The following SH3BGRL2 variants were observed in gnomAD, a reference collection of about 807,000 sequenced individuals.
SH3BGRL2 encodes SH3 domain-binding glutamic acid-rich-like protein 2.
SH3BGRL2 carries 21 observed loss-of-function variants against 14.8 expected under a neutral mutation model. The ratio of observed to expected loss-of-function variants is 1.42; its 90% CI spans 1.01 to 2.05. SH3BGRL2 has a LOEUF of 2.05. Among genes scored for constraint, SH3BGRL2 ranks in the 30% most tolerant of loss-of-function variants. The probability of loss-of-function intolerance (pLI) is 0.00; values close to 1 mark genes in which losing one functional copy is unlikely to be tolerated. For synonymous variants in SH3BGRL2, 50 were observed against 47.8 expected, an observed-to-expected ratio of 1.05 and a Z score of -0.19; for missense variants, 147 against 130.8, an observed-to-expected ratio of 1.12 and a Z score of -0.61.
intron 1 of SH3BGRL2, among the ~76,000 whole-genome samples, chr6:79,642,244 A>G (rs548009176): frequency 1.1e-4 from 16 of 152,346 alleles, no homozygotes; most frequent in South Asian, 2.1e-4. Context: ...ATATAGTATT[A>G]CAGCTATTTA....
chr6:79,540,805 TTAA>T, the SH3BGRL2 span, among the ~76,000 whole-genome samples: 3 of 152,154 alleles, frequency 2.0e-5, no homozygotes, highest in African/African-American at 7.2e-5. Flanking sequence ...TATACTTCCA[TTAA>T]TAAGTGATTC....
the SH3BGRL2 span, among the ~76,000 whole-genome samples, chr6:79,605,042 C>T: frequency 9.9e-5 from 15 of 152,138 alleles, no homozygotes; most frequent in African/African-American, 3.6e-4. Flanking sequence ...ATTCATCTCC[C>T]CTAGAATTTG....
At chr6:79,583,603 G>A in the SH3BGRL2 span, among the ~76,000 whole-genome samples, 4 of 152,244 alleles carry the variant, frequency 2.6e-5, no homozygotes, top group East Asian at 3.9e-4. Flanking sequence ...GACACAGAGC[G>A]GGGAACATCA....
At chr6:79,599,841 C>T in the SH3BGRL2 span, among the ~76,000 whole-genome samples, 3 of 152,168 alleles carry the variant, frequency 2.0e-5, no homozygotes, top group Non-Finnish European at 4.4e-5. Context: ...ATACCCTCTA[C>T]ACATCAGCTT....
chr6:79,675,585 T>G (rs1219330804), intron 2 of SH3BGRL2, among the ~76,000 whole-genome samples: 1 of 152,132 alleles, frequency 6.6e-6, no homozygotes. Context: ...GAGTGCCTAT[T>G]AATTTGGATA....
the SH3BGRL2 span, among the ~76,000 whole-genome samples, chr6:79,590,438 T>TG: frequency 0.032 from 3,207 of 98,750 alleles, 146 homozygotes; most frequent in Middle Eastern, 0.073. Context: ...TATATATATA[T>TG]ATATATATAT....
chr6:79,646,373 T>C (rs190900871), intron 1 of SH3BGRL2, among the ~76,000 whole-genome samples: 1 of 152,354 alleles, frequency 6.6e-6, no homozygotes, highest in Non-Finnish European at 1.5e-5. Context: ...GGATCCATTG[T>C]CCTAATACTT....
the SH3BGRL2 span, among the ~76,000 whole-genome samples, chr6:79,587,781 G>A: frequency 2.6e-5 from 4 of 152,172 alleles, no homozygotes; most frequent in African/African-American, 7.2e-5. Context: ...AGAGGCCTTT[G>A]TATATCAGAA....
chr6:79,634,714 A>G (rs1490267924), intron 1 of SH3BGRL2, among the ~76,000 whole-genome samples: 1 of 152,196 alleles, frequency 6.6e-6, no homozygotes, highest in African/African-American at 2.4e-5. Context: ...CACAGGTAGG[A>G]GATGAGTTAG....
At chr6:79,550,922 A>T in the SH3BGRL2 span, among the ~76,000 whole-genome samples, 1 of 152,126 alleles carries the variant, frequency 6.6e-6, no homozygotes, top group Non-Finnish European at 1.5e-5. Context: ...CTTTTCTACC[A>T]ATGCCCCAGG....
intron 1 of SH3BGRL2, among the ~76,000 whole-genome samples, chr6:79,664,190 C>T (rs1359403033): frequency 2.0e-5 from 3 of 152,194 alleles, no homozygotes; most frequent in African/African-American, 4.8e-5. Context: ...CCAACCAGTC[C>T]GAATGAGATG....
intron 1 of SH3BGRL2, among the ~76,000 whole-genome samples, chr6:79,653,246 T>A (rs183755371): frequency 2.0e-5 from 3 of 152,300 alleles, no homozygotes; most frequent in Admixed American, 2.0e-4. Context: ...CGATCCACGT[T>A]ACTAATAAAA....
At chr6:79,548,110 C>T in the SH3BGRL2 span, among the ~76,000 whole-genome samples, 11 of 152,106 alleles carry the variant, frequency 7.2e-5, no homozygotes, top group African/African-American at 2.7e-4. Context: ...CTCAAGCTAT[C>T]CTCCTGCTTC....
the SH3BGRL2 span, among the ~76,000 whole-genome samples, chr6:79,540,759 GAGCAAAAGA>G: frequency 3.3e-5 from 5 of 152,242 alleles, no homozygotes; most frequent in South Asian, 1.0e-3. Flanking sequence ...AGACAATATT[GAGCAAAAGA>G]AGTCAGACAC....
At chr6:79,593,545 A>AC in the SH3BGRL2 span, among the ~76,000 whole-genome samples, 1 of 152,170 alleles carries the variant, frequency 6.6e-6, no homozygotes, top group African/African-American at 2.4e-5. Context: ...ACCTCTAAGG[A>AC]CCCTTCAGTG....
intron 2 of SH3BGRL2, among the ~76,000 whole-genome samples, chr6:79,691,888 G>A (rs1770225228): frequency 6.6e-6 from 1 of 151,682 alleles, no homozygotes; most frequent in Admixed American, 6.6e-5. Flanking sequence ...GGATGGCTGG[G>A]TCAAATGGTA....
the SH3BGRL2 span, among the ~76,000 whole-genome samples, chr6:79,567,584 A>G: frequency 1.6e-4 from 25 of 152,226 alleles, no homozygotes; most frequent in Admixed American, 1.6e-3. Context: ...TGGAAAATTC[A>G]TTTTCCACAA....
At chr6:79,661,093 A>G (rs540351282) in intron 1 of SH3BGRL2, among the ~76,000 whole-genome samples, 1 of 152,184 alleles carries the variant, frequency 6.6e-6, no homozygotes, top group South Asian at 2.1e-4. Flanking sequence ...TCCTGGATTC[A>G]TTGATTTTTT....
the SH3BGRL2 span, among the ~76,000 whole-genome samples, chr6:79,551,807 A>G: frequency 1.4e-3 from 207 of 152,312 alleles, 4 homozygotes; most frequent in African/African-American, 4.9e-3. Context: ...ATGCCTTTTC[A>G]GGCCAAGCAT....
Sources: gnomAD v4.1 joint callset for allele counts (sites outside exome capture counted in the v4.1 genomes callset) on GRCh38, gnomAD v4.1.1 for gene constraint, MANE v1.5 for transcripts, NCBI Gene and HGNC (gene_info 2026-07-23, HGNC 2026-07-21) for gene names.